FRYL: variants seen among roughly 807,000 people sequenced by gnomAD.
FRYL encodes the protein FRY like transcription coactivator.
FRYL carries 150 observed loss-of-function variants against 351.2 expected under a neutral mutation model. The ratio of observed to expected loss-of-function variants is 0.43; its 90% CI spans 0.37 to 0.49. The LOEUF is 0.49. Among genes scored for constraint, FRYL ranks in the 20% least tolerant of loss-of-function variants. FRYL has a pLI of 0.00. For missense variants in FRYL, 3,036 were observed against 3,619.3 expected (o/e 0.84, Z 4.13); for synonymous variants, 1,153 against 1,257.1 (o/e 0.92, Z 1.75).
chr4:48,503,639 T>C (rs974555139), intron 60 of FRYL, among the ~76,000 whole-genome samples: 4 of 152,194 alleles, frequency 2.6e-5, no homozygotes, highest in African/African-American at 9.6e-5. Flanking sequence ...CGTAAATGTA[T>C]CTTCTAAAAG....
intron 42 of FRYL, among the ~76,000 whole-genome samples, chr4:48,545,127 C>T (rs542273450): frequency 3.9e-4 from 60 of 152,234 alleles, no homozygotes; most frequent in African/African-American, 1.4e-3. Context: ...TTCTCTCAGA[C>T]GTAGTAGAAA....
chr4:48,559,914 C>CTGTT (rs1309775188), intron 33 of FRYL, among the ~76,000 whole-genome samples: 7 of 152,068 alleles, frequency 4.6e-5, no homozygotes, highest in Non-Finnish European at 1.0e-4. Context: ...AGACTGAAGA[C>CTGTT]TATTAGCCAG....
intron 56 of FRYL, among the ~76,000 whole-genome samples, chr4:48,513,180 TAAAGCTGAAATAA>T (rs1473658801): frequency 6.6e-6 from 1 of 152,194 alleles, no homozygotes; most frequent in East Asian, 1.9e-4. Context: ...ATCTTGATTT[TAAAGCTGAAATAA>T]AAAGTTCAGT....
rs543372266 is a variant in FRYL at position 48,772,981 on chromosome 4, G to A, written c.-384+7097C>T. On this transcript the variant is annotated intron_variant, in intron 1 of 63. Transcript: ENST00000358350. ...TGAAAACGTTCAGTTGATTCCTCCT[G>A]GAAAGATCAAGGAAGCACCAGCATC... 1.5e-4 allele frequency among the ~76,000 whole-genome samples: 23 copies of A among 152,154 alleles called. No homozygotes were observed. In the South Asian group the frequency reaches 4.8e-3, roughly 32 times the overall value.
At position 48,589,897 on chromosome 4, in the gene FRYL, A is replaced by AGTG. The variant is rs1390291262; in HGVS notation, c.1508-21_1508-20insCAC. The stretch of plus-strand genomic sequence containing the variant: ...ACATTCCTAGGGGAAAAAACTTCAC[A>AGTG]GTTATAAAATATCTGAAATTAGATA... On this transcript the variant is annotated intron_variant, in intron 17 of 63. Transcript: ENST00000358350. The AGTG allele has an allele frequency of 6.3e-7, 1 of 1,584,806 alleles. No homozygotes were observed. Among genetic ancestry groups the AGTG allele is most frequent in the Non-Finnish European group, 8.6e-7 (1 of 1,159,032 alleles).
At chr4:48,656,384 AAT>A (rs1357959366) in intron 3 of FRYL, among the ~76,000 whole-genome samples, 3 of 7,866 alleles carry the variant, frequency 3.8e-4, no homozygotes, top group East Asian at 4.6e-3. Flanking sequence ...CTAAATATAT[AAT>A]ATATAATTAA....
rs755903429 is a variant in FRYL at position 48,581,044 on chromosome 4, ATTTTTTTTTT to A, written c.2173-103_2173-94del. ...AACACTAAAAATTCACTTCAGCACTATTTTTTTTTTTTTTTTTTTGAGACGGAGTCTCGCT... is the reference window on the plus strand; with the variant it reads ...AACACTAAAAATTCACTTCAGCACTATTTTTTTTTGAGACGGAGTCTCGCT... On this transcript the variant is annotated intron_variant, in intron 21 of 63. Coordinates refer to ENST00000358350, the MANE Select transcript of FRYL (RefSeq NM_015030.2). The A allele has an allele frequency of 1.6e-4, 80 of 505,282 alleles. 1 individual carries two copies. In the East Asian group the frequency reaches 2.7e-3, roughly 17 times the overall value. The allele number at this position is 505,282 out of a possible 1,614,324, so 31.3% of individuals were successfully genotyped here.
intron 3 of FRYL, among the ~76,000 whole-genome samples, chr4:48,639,610 C>A (rs542834593): frequency 4.6e-5 from 7 of 151,950 alleles, no homozygotes; most frequent in African/African-American, 1.4e-4. Flanking sequence ...TCTAAGTGAT[C>A]TTGGGTTTGG....
At chr4:48,528,095 C>A (rs1227169973) in intron 51 of FRYL, 50 bp from the exon 52 acceptor site, 1 of 1,549,514 alleles carries the variant, frequency 6.5e-7, no homozygotes, top group South Asian at 1.2e-5. Flanking sequence ...TAAAATAAGA[C>A]AAATTCTCAA....
At position 48,704,561 on chromosome 4, in the gene FRYL, C is replaced by T. The variant is rs984835324; in HGVS notation, c.-204+5958G>A. Among the ~76,000 whole-genome samples, 32 of 152,122 alleles carry T rather than the reference C, an allele frequency of 2.1e-4. 1 individual carries two copies. The highest frequency in any genetic ancestry group is 9.8e-4 in the Admixed American group (15 of 15,278). On this transcript the variant is annotated intron_variant, in intron 2 of 63. Transcript: ENST00000358350. ...GGCATGGTGACTCACGTCTGTAATC[C>T]CAGCACATTGGGAGGCCAAGGCAGG...
At chr4:48,623,274 G>C (rs546994069) in intron 4 of FRYL, 95 bp from the exon 5 acceptor site, 1 of 753,686 alleles carries the variant, frequency 1.3e-6, no homozygotes, top group Non-Finnish European at 2.1e-6. Context: ...AGATTTGTGC[G>C]TTTGGTTTTG....
At chr4:48,572,690 C>A (rs1738613447) in intron 26 of FRYL, among the ~76,000 whole-genome samples, 1 of 152,198 alleles carries the variant, frequency 6.6e-6, no homozygotes, top group African/African-American at 2.4e-5. Context: ...ATCTGTCCCA[C>A]TGGACCTATA....
At chr4:48,737,259 G>GAAAAA (rs368219531) in intron 1 of FRYL, among the ~76,000 whole-genome samples, 14 of 97,614 alleles carry the variant, frequency 1.4e-4, no homozygotes, top group Admixed American at 4.3e-4. Context: ...CTCCATCACA[G>GAAAAA]AAAAAAAAAA....
intron 55 of FRYL, among the ~76,000 whole-genome samples, chr4:48,519,337 C>G (rs1305950505): frequency 6.6e-6 from 1 of 152,122 alleles, no homozygotes; most frequent in Non-Finnish European, 1.5e-5. Flanking sequence ...ACTGCCATCC[C>G]TTTCTACATT....
rs374278813 is a variant in FRYL at position 48,550,689 on chromosome 4, G to A, written c.4536C>T (p.Asp1512=). The change falls in exon 38 of 64, where the codon GAC becomes GAT. Residue 1512 remains aspartate (D), a synonymous_variant. Transcript: ENST00000358350. ...ENIEESYVHL[D]IYSGLNSHLN... Reference sequence around the variant, plus strand: ...AATGACTGTTTAGTCCACTGTAAATGTCCAGGTGCACATAGCTATGGGAAT... The same window carrying A: ...AATGACTGTTTAGTCCACTGTAAATATCCAGGTGCACATAGCTATGGGAAT... The A allele has an allele frequency of 1.6e-5, 25 of 1,611,886 alleles. No individual in the cohort carries two copies. The highest frequency in any genetic ancestry group is 6.8e-6 in the Non-Finnish European group (8 of 1,178,112).
rs1365658319 is a variant in FRYL, at chr4:48,567,932, G to C, written c.2997-512C>G. ...TTGTAAGAATAGGGTAGAGTACTGGGTTTCAAAACCTTTCTATACCTATGA... is the reference window on the plus strand; with the variant it reads ...TTGTAAGAATAGGGTAGAGTACTGGCTTTCAAAACCTTTCTATACCTATGA... On this transcript the variant is annotated intron_variant, in intron 27 of 63. Coordinates refer to ENST00000358350, the MANE Select transcript of FRYL (RefSeq NM_015030.2). This position sits in a 1 kb window ranked among gnomAD's most constrained non-coding sequence, Gnocchi z 4.2. 6.6e-6 allele frequency among the ~76,000 whole-genome samples: 1 copy of C among 152,200 alleles called. No homozygotes were observed. The highest frequency in any genetic ancestry group is 1.5e-5 in the Non-Finnish European group (1 of 68,040).
At chr4:48,551,137 C>A (rs532774602) in intron 37 of FRYL, among the ~76,000 whole-genome samples, 1 of 151,952 alleles carries the variant, frequency 6.6e-6, no homozygotes, top group African/African-American at 2.4e-5. Flanking sequence ...TTAATTTCCA[C>A]CTTATAATCC....
intron 1 of FRYL, among the ~76,000 whole-genome samples, chr4:48,743,247 C>T (rs1345983624): frequency 3.9e-5 from 6 of 152,054 alleles, no homozygotes; most frequent in Non-Finnish European, 1.5e-5. Flanking sequence ...AAATTCTTAT[C>T]TAGGTGTTAC....
intron 1 of FRYL, among the ~76,000 whole-genome samples, chr4:48,763,270 T>A (rs920893255): frequency 1.3e-5 from 2 of 152,086 alleles, no homozygotes; most frequent in Non-Finnish European, 2.9e-5. Flanking sequence ...GAGACCAGGC[T>A]GGGCAGCTTG....
Sources: gnomAD v4.1 joint callset for allele counts (sites outside exome capture counted in the v4.1 genomes callset) on GRCh38, gnomAD v4.1.1 for gene constraint, Gnocchi (gnomAD v3.1) non-coding constraint, MANE v1.5 for transcripts, NCBI Gene and HGNC (gene_info 2026-07-23, HGNC 2026-07-21) for gene names.